XKR4: variants seen among roughly 807,000 people sequenced by gnomAD.
XKR4 encodes the protein XK related 4.
A neutral mutation model predicts 53.9 loss-of-function variants in XKR4; 12 were observed. The ratio of observed to expected loss-of-function variants is 0.22; its 90% confidence interval spans 0.14 to 0.36. XKR4 has a LOEUF of 0.36. Among genes scored for constraint, XKR4 ranks in the 10% least tolerant of loss-of-function variants. XKR4 has a pLI of 1.00. For synonymous variants in XKR4, 354 were observed against 362.4 expected (o/e 0.98, Z 0.26); for missense variants, 799 against 859.5 (o/e 0.93, Z 0.88).
intron 1 of XKR4, among the ~76,000 whole-genome samples, chr8:55,325,588 G>T (rs1048614212): frequency 6.6e-6 from 1 of 152,108 alleles, no homozygotes; most frequent in Admixed American, 6.5e-5. Flanking sequence ...AACCTAAAGA[G>T]CTTTGAAGAC....
Position 55,524,354 on chromosome 8 carries a change from A to G in XKR4, c.*127A>G. 1 of 933,810 alleles carries G rather than the reference A, an allele frequency of 1.1e-6. No homozygotes were observed. Among genetic ancestry groups the G allele is most frequent in the Non-Finnish European group, 1.6e-6 (1 of 635,754 alleles). The allele number at this position is 933,810 out of a possible 1,614,324, so 57.8% of individuals were successfully genotyped here. A position where few individuals can be genotyped will look rare whatever the true frequency, so the allele number is the denominator to read the frequency against. On this transcript the variant is annotated 3_prime_UTR_variant, in exon 3 of 3. Transcript: ENST00000327381. ...AGTTCCTAGTGGGACCGTCATCACC[A>G]TTATCATTTGATCCTGTCGGCTGGG...
At chr8:55,159,704 A>G (rs1816958466) in intron 1 of XKR4, among the ~76,000 whole-genome samples, 1 of 152,240 alleles carries the variant, frequency 6.6e-6, no homozygotes, top group Non-Finnish European at 1.5e-5. Context: ...AAAAGGCAAG[A>G]TAAGATTCCA....
chr8:55,118,027 A>G (rs1816334044), intron 1 of XKR4, among the ~76,000 whole-genome samples: 1 of 152,150 alleles, frequency 6.6e-6, no homozygotes, highest in African/African-American at 2.4e-5. Flanking sequence ...GAAAACTGGC[A>G]CCTAAACCGA....
At chr8:55,375,459 A>G (rs911406014) in intron 2 of XKR4, among the ~76,000 whole-genome samples, 2 of 152,106 alleles carry the variant, frequency 1.3e-5, no homozygotes, top group Non-Finnish European at 2.9e-5. Context: ...CCTTGAGGTG[A>G]AATGTTACCT....
chr8:55,123,739 C>G (rs538671808), intron 1 of XKR4, among the ~76,000 whole-genome samples: 1 of 152,112 alleles, frequency 6.6e-6, no homozygotes, highest in Admixed American at 6.5e-5. Context: ...GTGTGTGTGT[C>G]CCACAGGGGA....
At chr8:55,275,376 TG>T (rs1265121786) in intron 1 of XKR4, among the ~76,000 whole-genome samples, 14 of 152,226 alleles carry the variant, frequency 9.2e-5, no homozygotes, top group Admixed American at 3.3e-4. Context: ...AATACAAGAG[TG>T]AAATTTGCTT....
chr8:55,403,557 C>G (rs914604799), intron 2 of XKR4, among the ~76,000 whole-genome samples: 1 of 152,206 alleles, frequency 6.6e-6, no homozygotes, highest in African/African-American at 2.4e-5. Flanking sequence ...TTATGGCCAC[C>G]AATTAAGAAA....
At position 55,451,342 on chromosome 8, in the gene XKR4, C is replaced by T. The variant is rs1296125303; in HGVS notation, c.1007-71939C>T. On this transcript the variant is annotated intron_variant, in intron 2 of 2. Coordinates refer to ENST00000327381, the MANE Select transcript of XKR4 (RefSeq NM_052898.2). ...GTTAGACAGAGTGGTGACCCTGGCTCTGGGGCTGCCAATGTGACTCCCCAC... is the reference window on the plus strand; with the variant it reads ...GTTAGACAGAGTGGTGACCCTGGCTTTGGGGCTGCCAATGTGACTCCCCAC... 6 of 641,958 alleles carry T rather than the reference C, an allele frequency of 9.3e-6. No individual in the cohort carries two copies. The Admixed American group carries it at 1.3e-4, about 14-fold the overall frequency. The allele number at this position is 641,958 out of a possible 1,614,324, so 39.8% of individuals were successfully genotyped here. A position where few individuals can be genotyped will look rare whatever the true frequency, so the allele number is the denominator to read the frequency against.
intron 2 of XKR4, among the ~76,000 whole-genome samples, chr8:55,449,155 G>GATTTATTTATTT (rs6150588): frequency 0.016 from 2,367 of 150,040 alleles, 28 homozygotes; most frequent in East Asian, 0.058. Flanking sequence ...ATTTATTCTA[G>GATTTATTTATTT]ATTTATTTAT....
At chr8:55,213,490 C>A (rs1035984557) in intron 1 of XKR4, among the ~76,000 whole-genome samples, 8 of 152,214 alleles carry the variant, frequency 5.3e-5, no homozygotes, top group Admixed American at 5.2e-4. Context: ...CCTCTAGGAG[C>A]AATTGGGAAA....
intron 1 of XKR4, among the ~76,000 whole-genome samples, chr8:55,216,847 G>A (rs1414458048): frequency 1.3e-5 from 2 of 151,088 alleles, no homozygotes; most frequent in Non-Finnish European, 2.9e-5. Context: ...GTCATGAGCT[G>A]GAGTAAGATA....
chr8:55,386,786 T>C (rs1357496254), intron 2 of XKR4, among the ~76,000 whole-genome samples: 1 of 152,204 alleles, frequency 6.6e-6, no homozygotes, highest in Non-Finnish European at 1.5e-5. Flanking sequence ...GGACTAGCTT[T>C]TCTAACACAT....
At chr8:55,205,796 TG>T (rs1817639261) in intron 1 of XKR4, among the ~76,000 whole-genome samples, 1 of 152,202 alleles carries the variant, frequency 6.6e-6, no homozygotes, top group South Asian at 2.1e-4. Flanking sequence ...TGTCCGGAAT[TG>T]GTTCCCTCCG....
At chr8:55,309,051 G>A (rs1465317161) in intron 1 of XKR4, among the ~76,000 whole-genome samples, 1 of 152,208 alleles carries the variant, frequency 6.6e-6, no homozygotes, top group African/African-American at 2.4e-5. Context: ...GCCTCTGGAA[G>A]CTGGAAAGGG....
At chr8:55,108,710 C>T (rs1383072155) in intron 1 of XKR4, among the ~76,000 whole-genome samples, 1 of 152,142 alleles carries the variant, frequency 6.6e-6, no homozygotes, top group Non-Finnish European at 1.5e-5. Context: ...GTTAGTTCTT[C>T]TGATCCATAG....
At chr8:55,300,956 T>G (rs2129376766) in intron 1 of XKR4, among the ~76,000 whole-genome samples, 1 of 152,236 alleles carries the variant, frequency 6.6e-6, no homozygotes, top group African/African-American at 2.4e-5. Context: ...CAAACTGGTG[T>G]TTCTCACTGT....
intron 1 of XKR4, among the ~76,000 whole-genome samples, chr8:55,129,364 G>A (rs1563463610): frequency 1.3e-5 from 2 of 152,180 alleles, no homozygotes; most frequent in Non-Finnish European, 1.5e-5. Context: ...GTCGGGTGCC[G>A]GGAGGTAAAA....
At chr8:55,191,651 T>C (rs933668918) in intron 1 of XKR4, among the ~76,000 whole-genome samples, 6 of 152,028 alleles carry the variant, frequency 3.9e-5, no homozygotes, top group African/African-American at 1.4e-4. Flanking sequence ...CCCAGTTTCT[T>C]TCTCTCCTTC....
rs35716735 is a variant in XKR4 at position 55,416,924 on chromosome 8, GA to G, written c.1006+59049del. Among the ~76,000 whole-genome samples the G allele has an allele frequency of 6.6e-3, 998 of 152,270 alleles. 3 individuals are homozygous for G. The highest frequency in any genetic ancestry group is 0.011 in the Non-Finnish European group (768 of 68,010). The stretch of plus-strand genomic sequence containing the variant: ...TCTGTTCTTAAAACAATTTTCTAAT[GA>G]AGTTTTAATTGTTTCAAAATTAGAA... On this transcript the variant is annotated intron_variant, in intron 2 of 2. Coordinates refer to ENST00000327381, the MANE Select transcript of XKR4 (RefSeq NM_052898.2).
Sources: gnomAD v4.1 joint callset for allele counts (sites outside exome capture counted in the v4.1 genomes callset) on GRCh38, gnomAD v4.1.1 for gene constraint, MANE v1.5 for transcripts, NCBI Gene and HGNC (gene_info 2026-07-23, HGNC 2026-07-21) for gene names.